GABPA: variants seen among roughly 807,000 people sequenced by gnomAD.
GABPA encodes the protein GA-binding protein alpha chain.
GABPA carries 4 observed loss-of-function variants against 59.4 expected under a neutral mutation model. The ratio of observed to expected loss-of-function variants is 0.07; its 90% CI spans 0.03 to 0.15. The LOEUF is 0.15. GABPA is among the 10% of genes least tolerant of loss of function. GABPA has a pLI of 1.00. For synonymous variants in GABPA, 164 were observed against 183.1 expected, an observed-to-expected ratio of 0.90 and a Z score of 0.84; for missense variants, 251 against 543.8, an observed-to-expected ratio of 0.46 and a Z score of 5.36.
chr21:25,756,696 C>CT (rs2035645807), intron 5 of GABPA, among the ~76,000 whole-genome samples: 1 of 152,150 alleles, frequency 6.6e-6, no homozygotes, highest in South Asian at 2.1e-4. Context: ...CCATGGAGGT[C>CT]TTATAGCTGT....
chr21:25,752,164 A>G lies in GABPA; in HGVS notation c.483A>G (p.Glu161=). 1 of 1,611,162 alleles carries G rather than the reference A, an allele frequency of 6.2e-7. No individual in the cohort carries two copies. Among genetic ancestry groups the G allele is most frequent in the Non-Finnish European group, 8.5e-7 (1 of 1,177,718 alleles). The part of the protein sequence containing the change: ...HITTISDETS[E]QVTRWAAALE... ...CAACCATTTCAGATGAAACTTCAGAACAAGTGACAAGATGGGCTGCTGCAC... is the reference window on the plus strand; with the variant it reads ...CAACCATTTCAGATGAAACTTCAGAGCAAGTGACAAGATGGGCTGCTGCAC... Residue 161 remains glutamate, a synonymous_variant, in exon 5 of 10, where the codon GAA becomes GAG. Coordinates refer to ENST00000400075, the MANE Select transcript of GABPA (RefSeq NM_002040.4).
chr21:25,759,366 G>A (rs1375280292), intron 6 of GABPA, among the ~76,000 whole-genome samples: 2 of 152,072 alleles, frequency 1.3e-5, no homozygotes, highest in African/African-American at 2.4e-5. Context: ...GAGCTCTGGT[G>A]GAGGGATTTT....
Position 25,764,649 on chromosome 21 carries a change from A to T in GABPA, c.998A>T (p.Lys333Met). 3.1e-6 allele frequency: 5 copies of T among 1,612,258 alleles called. No homozygotes were observed. Among genetic ancestry groups the T allele is most frequent in the Non-Finnish European group, 4.2e-6 (5 of 1,178,962 alleles). Reference protein sequence around the residue: ...WQFLLELLTDKDARDCISWVG... With the variant: ...WQFLLELLTDMDARDCISWVG... ...TTTTTGCTAGAACTTCTTACTGATA[A>T]GGACGCTCGAGACTGCATTTCTTGG... is the stretch of plus-strand genomic sequence containing the variant. Residue 333 changes from lysine to methionine, a missense_variant, in exon 9 of 10, where the codon AAG (lysine) becomes ATG (methionine). Physicochemically the swap from Lys to Met is moderately conservative, Grantham distance 95. This residue lies in a region of GABPA where 21 missense variants were observed against 79.8 expected (regional missense o/e 0.26). Coordinates refer to ENST00000400075, the MANE Select transcript of GABPA (RefSeq NM_002040.4).
At position 25,772,351 on chromosome 21, in the gene GABPA, T is replaced by G. The variant is rs775565521; in HGVS notation, c.*3119T>G. On this transcript the variant is annotated 3_prime_UTR_variant, in exon 10 of 10. Coordinates refer to ENST00000400075, the MANE Select transcript of GABPA (RefSeq NM_002040.4). ...TTATGTATTTCTTTGTGGTTTTAAT[T>G]TTTTTTGTAATTTTACATAAAACAG... The G allele has an allele frequency of 1.2e-4, 18 of 151,982 alleles. No homozygotes were observed. Among genetic ancestry groups the G allele is most frequent in the Non-Finnish European group, 2.1e-4 (14 of 67,920 alleles). The allele number at this position is 151,982 out of a possible 1,614,324, so 9.4% of individuals were successfully genotyped here. A position where few individuals can be genotyped will look rare whatever the true frequency, so the allele number is the denominator to read the frequency against.
intron 2 of GABPA, 75 bp from the exon 3 acceptor site, chr21:25,745,135 T>G: frequency 1.3e-6 from 2 of 1,506,322 alleles, no homozygotes; most frequent in Non-Finnish European, 1.8e-6. Context: ...TTTGGGATTG[T>G]GTTTTTAGCA....
At chr21:25,750,989 C>T (rs1017338551) in intron 4 of GABPA, among the ~76,000 whole-genome samples, 1 of 152,114 alleles carries the variant, frequency 6.6e-6, no homozygotes, top group African/African-American at 2.4e-5. Flanking sequence ...CACAGAAGAT[C>T]GAAGTTGAGT....
At chr21:25,752,451 T>G (rs1361993051) in intron 5 of GABPA, 2 of 542,826 alleles carry the variant, frequency 3.7e-6, no homozygotes, top group African/African-American at 3.8e-5. Context: ...AAAAAATTTC[T>G]GCTCTTAGGG....
intron 6 of GABPA, among the ~76,000 whole-genome samples, chr21:25,759,855 A>G (rs2035724080): frequency 6.6e-6 from 1 of 152,226 alleles, no homozygotes; most frequent in Non-Finnish European, 1.5e-5. Context: ...GATAGTGCAT[A>G]GATGGTAGTT....
At chr21:25,748,940 G>A (rs1182390861) in intron 3 of GABPA, 96 bp from the exon 4 acceptor site, 4 of 748,046 alleles carry the variant, frequency 5.3e-6, no homozygotes, top group Non-Finnish European at 9.5e-6. Flanking sequence ...CAGTAATTAA[G>A]TTCTGTTTGG....
At position 25,762,384 on chromosome 21, in the gene GABPA, A is replaced by G; in HGVS notation, c.802+19A>G. ...GATCAACGTGAGTATTTGTACCTAT[A>G]TTTGCCCTTTTATTAATAAGAAATG... is the stretch of plus-strand genomic sequence containing the variant. On this transcript the variant is annotated intron_variant, in intron 7 of 9. Transcript: ENST00000400075. 2 of 1,504,224 alleles carry G rather than the reference A, an allele frequency of 1.3e-6. No homozygotes were observed. The highest frequency in any genetic ancestry group is 2.6e-5 in the South Asian group (2 of 78,176). 93.2% of individuals were successfully genotyped at this position (1,504,224 alleles called of 1,614,324 possible). A position where few individuals can be genotyped will look rare whatever the true frequency, so the allele number is the denominator to read the frequency against.
At chr21:25,749,236 C>T (rs1245289555) in intron 4 of GABPA, 116 bp downstream of exon 4, 5 of 634,156 alleles carry the variant, frequency 7.9e-6, no homozygotes, top group Non-Finnish European at 1.1e-5. Context: ...GATATAATAG[C>T]CAAAATTCAT....
intron 9 of GABPA, among the ~76,000 whole-genome samples, chr21:25,768,350 G>A (rs71651658): frequency 1.5e-3 from 228 of 151,996 alleles, no homozygotes; most frequent in Middle Eastern, 6.8e-3. Context: ...TTTGGAAAGC[G>A]TTTACATAGT....
At chr21:25,741,936 T>C (rs879337621) in intron 2 of GABPA, among the ~76,000 whole-genome samples, 3 of 152,228 alleles carry the variant, frequency 2.0e-5, no homozygotes, top group African/African-American at 7.2e-5. Flanking sequence ...CATTTGATTC[T>C]TTATTCTTTT....
At chr21:25,748,517 T>A (rs2123516008) in intron 3 of GABPA, among the ~76,000 whole-genome samples, 1 of 152,334 alleles carries the variant, frequency 6.6e-6, no homozygotes, top group Non-Finnish European at 1.5e-5. Flanking sequence ...GGATTCAAGA[T>A]ATTCATAGCT....
rs181829622 is a variant in GABPA at position 25,739,096 on chromosome 21, G to T, written c.-26-2477G>T. On this transcript the variant is annotated intron_variant, in intron 1 of 9. Transcript: ENST00000400075. ...GCTCCATATGCATGCGTCCATCCCA[G>T]TGGAGAACCTTACCCTTTTATTGTT... Among the ~76,000 whole-genome samples, 312 of 152,324 alleles carry T rather than the reference G, an allele frequency of 2.0e-3. 2 individuals are homozygous for T. The highest frequency in any genetic ancestry group is 2.5e-3 in the Non-Finnish European group (173 of 68,026).
chr21:25,740,774 G>C (rs2035200272), intron 1 of GABPA, among the ~76,000 whole-genome samples: 1 of 152,100 alleles, frequency 6.6e-6, no homozygotes, highest in South Asian at 2.1e-4. Flanking sequence ...ACTTTGTTTT[G>C]CTGTTTTATA....
intron 3 of GABPA, among the ~76,000 whole-genome samples, chr21:25,748,305 A>T (rs59892366): frequency 0.091 from 13,825 of 152,218 alleles, 780 homozygotes; most frequent in African/African-American, 0.16. Flanking sequence ...TGGGAATGCG[A>T]GTAGGACATG....
chr21:25,744,315 G>A (rs1348685881), intron 2 of GABPA, among the ~76,000 whole-genome samples: 5 of 151,940 alleles, frequency 3.3e-5, no homozygotes, highest in Non-Finnish European at 7.4e-5. Context: ...TGAACATAGG[G>A]AGACTCTCTC....
At chr21:25,754,484 T>G (rs907196083) in intron 5 of GABPA, among the ~76,000 whole-genome samples, 4 of 152,196 alleles carry the variant, frequency 2.6e-5, no homozygotes, top group African/African-American at 9.6e-5. Flanking sequence ...GATTTTCTTG[T>G]GTTTTTAATA....
Sources: gnomAD v4.1 joint callset for allele counts (sites outside exome capture counted in the v4.1 genomes callset) on GRCh38, gnomAD v4.1.1 for gene constraint, gnomAD v4.1.1 regional missense constraint, MANE v1.5 for transcripts, NCBI Gene and HGNC (gene_info 2026-07-23, HGNC 2026-07-21) for gene names.